CFAP410: variants seen among roughly 807,000 people sequenced by gnomAD.
CFAP410 encodes cilia and flagella associated protein 410.
In CFAP410, 27 loss-of-function variants were observed where a neutral mutation model predicts 25.7. The observed-to-expected ratio is 1.05, with a 90% CI of 0.77 to 1.45. CFAP410 has a LOEUF of 1.45. CFAP410 is among the 40% of genes most tolerant of loss of function. The pLI is 0.00. For synonymous variants in CFAP410, 178 were observed against 158.4 expected, an observed-to-expected ratio of 1.12 and a Z score of -0.93; for missense variants, 428 against 354.1, an observed-to-expected ratio of 1.21 and a Z score of -1.67.
intron 5 of CFAP410, chr21:44,331,421 G>C (rs756148050): frequency 4.0e-6 from 1 of 251,886 alleles, no homozygotes; most frequent in Non-Finnish European, 7.7e-6. Flanking sequence ...TCTCACTGCA[G>C]AGTCAGCCCT....
intron 5 of CFAP410, 50 bp from the exon 6 acceptor site, chr21:44,330,969 G>T: frequency 6.8e-7 from 1 of 1,466,028 alleles, no homozygotes; most frequent in Non-Finnish European, 9.2e-7. Context: ...GTGGCACCGG[G>T]GGGGCCTCTG....
At chr21:44,331,140 C>T (rs1480218675) in intron 5 of CFAP410, 2 of 581,636 alleles carry the variant, frequency 3.4e-6, no homozygotes, top group Middle Eastern at 4.5e-4. Context: ...GGGCGCCCTC[C>T]CGGCACCCTG....
In CFAP410 at chr21:44,330,880, G is replaced by T. The variant is rs779793849; in HGVS notation, c.585C>A (p.Ser195=). ...CTGAGAGGGAAGGAAACTGGCCCCG[G>T]GAAGGCGGCTTCAGGCCACGTTCAT... ...AQDERGLKPP[S]RGQFPSLSAR... Residue 195 remains serine, a synonymous_variant, in exon 6 of 7, where the codon TCC becomes TCA. Coordinates refer to ENST00000339818, the MANE Select transcript of CFAP410 (RefSeq NM_004928.3). The T allele has an allele frequency of 6.2e-7, 1 of 1,603,728 alleles. No individual in the cohort carries two copies. The highest frequency in any genetic ancestry group is 2.2e-5 in the East Asian group (1 of 44,596).
intron 5 of CFAP410, 91 bp from the exon 6 acceptor site, chr21:44,331,010 A>G: frequency 8.5e-7 from 1 of 1,178,942 alleles, no homozygotes; most frequent in Admixed American, 2.6e-5. Context: ...CATCCAAGCA[A>G]AGGAGGGGCT....
At chr21:44,334,525 C>CAACCTCTGGGCGGGCACGCGCACCCA (rs2047716592) in intron 3 of CFAP410, 2 of 17,330 alleles carry the variant, frequency 1.2e-4, no homozygotes, top group Non-Finnish European at 1.2e-4. Context: ...GCACCCCCCC[C>CAACCTCTGGGCGGGCACGCGCACCCA]CCCCCCCCGC....
At position 44,331,859 on chromosome 21, in the gene CFAP410, T is replaced by TC. The variant is rs2047653801; in HGVS notation, c.528_529insG (p.Ser177GlufsTer12). The TC allele has an allele frequency of 8.7e-6, 14 of 1,611,462 alleles. No individual in the cohort carries two copies. The highest frequency in any genetic ancestry group is 1.3e-5 in the African/African-American group (1 of 74,912). On this transcript the variant is annotated frameshift_variant, in exon 5 of 7. Coordinates refer to ENST00000339818, the MANE Select transcript of CFAP410 (RefSeq NM_004928.3). LOFTEE classifies it high-confidence loss of function. ...CAGCCTCACGTTGCCTCCTCCTCGC[T>TC]GTCCAGCGGGTCCCGGCCAGTCTCA...
intron 1 of CFAP410, 89 bp from the exon 2 acceptor site, chr21:44,337,756 C>G: frequency 9.7e-7 from 1 of 1,035,106 alleles, no homozygotes. Context: ...CCGATGACTC[C>G]CTACAAACCT....
Position 44,330,127 on chromosome 21 carries a change from C to A in CFAP410, c.*71G>T. The A allele has an allele frequency of 6.7e-7, 1 of 1,498,342 alleles. No homozygotes were observed. The highest frequency in any genetic ancestry group is 1.2e-5 in the South Asian group (1 of 81,052). 92.8% of individuals were successfully genotyped at this position (1,498,342 alleles called of 1,614,324 possible). ...CGGGGCTGCGGCCATGGCAGCCACC[C>A]TCCAGCTCCCGGGGGCTGGGGAAGA... On this transcript the variant is annotated 3_prime_UTR_variant, in exon 7 of 7. Transcript: ENST00000339818.
At chr21:44,330,401 G>A in intron 6 of CFAP410, 75 bp from the exon 7 acceptor site, 2 of 1,570,322 alleles carry the variant, frequency 1.3e-6, no homozygotes, top group Non-Finnish European at 1.7e-6. Context: ...CTGGGGCCTG[G>A]CCAGCGGTGC....
chr21:44,333,093 G>T lies in CFAP410; in HGVS notation c.313C>A (p.His105Asn), dbSNP rs1001751336. 6.2e-7 allele frequency: 1 copy of T among 1,609,814 alleles called. No individual in the cohort carries two copies. Among genetic ancestry groups the T allele is most frequent in the Admixed American group, 1.7e-5 (1 of 59,820 alleles). The change falls in exon 4 of 7, where the codon CAC becomes AAC. Residue 105 changes from histidine to asparagine, a missense_variant. Coordinates refer to ENST00000339818, the MANE Select transcript of CFAP410 (RefSeq NM_004928.3). ...CGCAGCACGGTCATGCGGTAGCGGT[G>T]GGGGCTGGTGCCGCAGCACGGGTTC... Reference protein sequence around the residue: ...AENPCCGTSPHRYRMTVLRTL... With the variant: ...AENPCCGTSPNRYRMTVLRTL...
At chr21:44,336,969 C>T (rs956115034) in intron 2 of CFAP410, 5 of 151,840 alleles carry the variant, frequency 3.3e-5, no homozygotes, top group Non-Finnish European at 7.4e-5. Context: ...GCCTGTAGTC[C>T]CAGCTACTCA....
intron 2 of CFAP410, chr21:44,336,844 G>A (rs188086777): frequency 2.2e-4 from 34 of 152,168 alleles, no homozygotes; most frequent in Admixed American, 5.9e-4. Context: ...AATACTTTGC[G>A]AGGCTGAGGC....
rs368429321 is a variant in CFAP410 at position 44,331,941 on chromosome 21, G to T, written c.447C>A (p.Gly149=). 6.2e-7 allele frequency: 1 copy of T among 1,613,600 alleles called. No individual in the cohort carries two copies. The highest frequency in any genetic ancestry group is 8.5e-7 in the Non-Finnish European group (1 of 1,179,848). The change falls in exon 5 of 7, where the codon GGC becomes GGA. Residue 149 remains glycine, a synonymous_variant. Coordinates refer to ENST00000339818, the MANE Select transcript of CFAP410 (RefSeq NM_004928.3). ...ATAGCTTGGGGCCGCCGTGGCCTGT[G>T]CCCTCTCTCTCTGGGGCCGCAGTGA... is the stretch of plus-strand genomic sequence containing the variant. The part of the protein sequence containing the change: ...EEITAAPERE[G]TGHGGPKLCC...
In CFAP410 at chr21:44,339,150, CG is replaced by C; in HGVS notation, c.44del (p.Ser15TrpfsTer30). ...RKMVLTRAKA[S>X]ELHSVRKLNC... ...TGAGCTTGCGCACGCTGTGCAGCTC[CG>C]AGGCCTTGGCCCGGGTCAGAACCAT... is the stretch of plus-strand genomic sequence containing the variant. On this transcript the variant is annotated frameshift_variant, in exon 1 of 7. Transcript: ENST00000339818. LOFTEE classifies it high-confidence loss of function. 1 of 1,474,276 alleles carries C rather than the reference CG, an allele frequency of 6.8e-7. No individual in the cohort carries two copies. The highest frequency in any genetic ancestry group is 9.0e-7 in the Non-Finnish European group (1 of 1,109,362). The allele number at this position is 1,474,276 out of a possible 1,614,324, so 91.3% of individuals were successfully genotyped here.
In CFAP410 at chr21:44,330,214, T is replaced by C; in HGVS notation, c.755A>G (p.Gln252Arg). The C allele has an allele frequency of 6.3e-7, 1 of 1,575,414 alleles. No homozygotes were observed. Among genetic ancestry groups the C allele is most frequent in the Non-Finnish European group, 8.6e-7 (1 of 1,164,248 alleles). Residue 252 changes from glutamine to arginine, a missense_variant, in exon 7 of 7, where the codon CAG (glutamine) becomes CGG (arginine). Coordinates refer to ENST00000339818, the MANE Select transcript of CFAP410 (RefSeq NM_004928.3). ...RLQALRGEEV[Q>R]EHAE ...GTCCTGCGGTCACTCGGCGTGCTCC[T>C]GCACCTCTTCCCCACGCAGGGCCTG...
intron 2 of CFAP410, 164 bp from the exon 3 acceptor site, chr21:44,335,968 G>C: frequency 3.4e-6 from 2 of 588,862 alleles, no homozygotes; most frequent in Middle Eastern, 4.3e-4. Context: ...CCCAGGGCCT[G>C]AGGGGAGCGG....
In CFAP410 at chr21:44,330,412, C is replaced by G. The variant is rs577434910; in HGVS notation, c.643-86G>C. 3 of 1,564,832 alleles carry G rather than the reference C, an allele frequency of 1.9e-6. No individual in the cohort carries two copies. In the South Asian group the frequency reaches 3.6e-5, roughly 19 times the overall value. On this transcript the variant is annotated intron_variant, in intron 6 of 6. Coordinates refer to ENST00000339818, the MANE Select transcript of CFAP410 (RefSeq NM_004928.3). ...AGGGCTGGGGCCTGGCCAGCGGTGC[C>G]CCACCACGGAGCGACTGGTCCCGGG... is the stretch of plus-strand genomic sequence containing the variant.
At chr21:44,338,486 C>T (rs983386274) in intron 1 of CFAP410, 3 of 383,124 alleles carry the variant, frequency 7.8e-6, no homozygotes, top group Admixed American at 5.9e-5. Flanking sequence ...CTTCCTGTCA[C>T]CTGCTAGGAG....
chr21:44,331,452 A>G, intron 5 of CFAP410: 1 of 265,134 alleles, frequency 3.8e-6, no homozygotes, highest in Non-Finnish European at 7.2e-6. Flanking sequence ...CACGGCCCCC[A>G]GGCCCAAGGC....
Sources: allele counts gnomAD v4.1 joint callset, GRCh38; gene constraint gnomAD v4.1.1; transcripts MANE v1.5; gene names NCBI Gene and HGNC (gene_info 2026-07-23, HGNC 2026-07-21).